Variants in MRC1 observed in about 807,000 individuals in gnomAD.
The protein encoded by MRC1 is mannose receptor C-type 1.
Under a neutral mutation model 102.9 loss-of-function variants are expected in MRC1, and 62 were observed. The ratio of observed to expected loss-of-function variants is 0.60; its 90% CI spans 0.49 to 0.74. The LOEUF (loss-of-function observed/expected upper bound fraction) is 0.74. Among genes scored for constraint, MRC1 ranks in the 30% least tolerant of loss-of-function variants. The pLI is 0.00. For missense variants in MRC1, 1,237 were observed against 862.8 expected, an observed-to-expected ratio of 1.43 and a Z score of -5.43; for synonymous variants, 457 against 298.4, an observed-to-expected ratio of 1.53 and a Z score of -5.48.
chr10:17,833,799 C>T lies in MRC1; in HGVS notation c.762C>T (p.Leu254=). The change falls in exon 4 of 30, where the codon CTC becomes CTT. Residue 254 remains leucine, a synonymous_variant. Coordinates refer to ENST00000569591, the MANE Select transcript of MRC1 (RefSeq NM_002438.4). ...RKSCQQQNAE[L]LSITEIHEQT... ...GCTGCCAACAACAGAACGCTGAGCT[C>T]CTGAGCATCACAGAGATTCATGAGC... is the stretch of plus-strand genomic sequence containing the variant. The T allele has an allele frequency of 1.3e-6, 1 of 781,066 alleles. No homozygotes were observed. Among genetic ancestry groups the T allele is most frequent in the Non-Finnish European group, 2.4e-6 (1 of 418,136 alleles). The allele number at this position is 781,066 out of a possible 1,614,324, so 48.4% of individuals were successfully genotyped here. A position where few individuals can be genotyped will look rare whatever the true frequency, so the allele number is the denominator to read the frequency against.
At chr10:17,823,650 A>G (rs376128080) in intron 2 of MRC1, among the ~76,000 whole-genome samples, 175 bp downstream of exon 2, 19,132 of 152,246 alleles carry the variant, frequency 0.13, 1,602 homozygotes, top group African/African-American at 0.25. Context: ...GATGGTGAAT[A>G]AATGTGATTA....
At chr10:17,894,965 G>A (rs1029774773) in intron 23 of MRC1, among the ~76,000 whole-genome samples, 5,578 of 152,138 alleles carry the variant, frequency 0.037, 156 homozygotes, top group Middle Eastern at 0.058. Flanking sequence ...TTGAGCCCCC[G>A]CATTTGAGAC....
chr10:17,810,537 T>C (rs1838206406), intron 1 of MRC1, among the ~76,000 whole-genome samples: 1 of 152,236 alleles, frequency 6.6e-6, no homozygotes, highest in African/African-American at 2.4e-5. Context: ...GTTTACATCC[T>C]GTCTCTCTCA....
intron 17 of MRC1, among the ~76,000 whole-genome samples, chr10:17,876,528 G>A (rs953419380): frequency 4.8e-4 from 73 of 152,252 alleles, no homozygotes; most frequent in Non-Finnish European, 7.6e-4. Context: ...GATTGCAGAC[G>A]TGAGCCACTG....
At chr10:17,843,198 ACAT>A (rs2130629821) in intron 5 of MRC1, among the ~76,000 whole-genome samples, 1 of 143,884 alleles carries the variant, frequency 7.0e-6, no homozygotes, top group South Asian at 2.3e-4. Flanking sequence ...ACTAATTAGC[ACAT>A]CAATTAATAA....
At chr10:17,875,289 T>G (rs1833414539) in intron 17 of MRC1, 36 bp downstream of exon 17, 9 of 778,042 alleles carry the variant, frequency 1.2e-5, no homozygotes, top group Non-Finnish European at 1.9e-5. Flanking sequence ...ATTTTAATAG[T>G]TTTTGGGGAA....
At chr10:17,860,527 C>T (rs1554841151) in intron 9 of MRC1, among the ~76,000 whole-genome samples, 1 of 152,208 alleles carries the variant, frequency 6.6e-6, no homozygotes, top group Non-Finnish European at 1.5e-5. Flanking sequence ...ATCCTCCCAA[C>T]TTCGACTCCC....
At position 17,823,115 on chromosome 10, in the gene MRC1, T is replaced by G; in HGVS notation, c.103T>G (p.Cys35Gly). ...AATCTATAATGAAGATCACAAGCGC[T>G]GCGTGGATGCAGTGAGTCCCAGTGC... ...FLIYNEDHKRCVDAVSPSAVQ... is the reference protein window; with the variant it reads ...FLIYNEDHKRGVDAVSPSAVQ... Residue 35 changes from cysteine to glycine, a missense_variant, in exon 2 of 30, where the codon TGC becomes GGC. By Grantham distance (159) the Cys-to-Gly change is radical. Coordinates refer to ENST00000569591, the MANE Select transcript of MRC1 (RefSeq NM_002438.4). 1 of 780,922 alleles carries G rather than the reference T, an allele frequency of 1.3e-6. No homozygotes were observed. Among genetic ancestry groups the G allele is most frequent in the Non-Finnish European group, 2.4e-6 (1 of 417,968 alleles). 48.4% of individuals were successfully genotyped at this position (780,922 alleles called of 1,614,324 possible).
intron 1 of MRC1, among the ~76,000 whole-genome samples, chr10:17,813,930 C>T (rs1838266567): frequency 6.6e-6 from 1 of 151,894 alleles, no homozygotes; most frequent in African/African-American, 2.4e-5. Flanking sequence ...AACTCCTAGG[C>T]TCAAGTGATT....
chr10:17,842,437 T>C (rs1838766039), intron 5 of MRC1, among the ~76,000 whole-genome samples: 1 of 152,252 alleles, frequency 6.6e-6, no homozygotes, highest in Non-Finnish European at 1.5e-5. Flanking sequence ...CAACATATGA[T>C]GGTTACAGTG....
chr10:17,870,637 T>C (rs1833341056), intron 13 of MRC1, among the ~76,000 whole-genome samples: 1 of 152,224 alleles, frequency 6.6e-6, no homozygotes, highest in Non-Finnish European at 1.5e-5. Context: ...CATTATTTAC[T>C]CTCAGGCAGT....
intron 29 of MRC1, 94 bp from the exon 30 acceptor site, chr10:17,910,121 T>G: frequency 1.3e-6 from 1 of 768,960 alleles, no homozygotes; most frequent in Middle Eastern, 3.6e-4. Flanking sequence ...AAAGAATATT[T>G]ATGCCTTTTA....
At chr10:17,854,190 G>T (rs904033763) in intron 8 of MRC1, among the ~76,000 whole-genome samples, 2 of 152,208 alleles carry the variant, frequency 1.3e-5, no homozygotes, top group Non-Finnish European at 1.5e-5. Flanking sequence ...AAGCTCAAGC[G>T]ATCTGCCTGC....
chr10:17,899,674 C>T (rs996969259), intron 24 of MRC1, among the ~76,000 whole-genome samples: 67 of 152,160 alleles, frequency 4.4e-4, no homozygotes, highest in Non-Finnish European at 8.2e-4. Flanking sequence ...TATTATATAT[C>T]ATCTATTCTT....
At chr10:17,812,783 G>A (rs918407534) in intron 1 of MRC1, among the ~76,000 whole-genome samples, 4 of 151,998 alleles carry the variant, frequency 2.6e-5, no homozygotes, top group African/African-American at 9.7e-5. Flanking sequence ...ATGTTGGCCA[G>A]GCTGGTCTTG....
intron 28 of MRC1, among the ~76,000 whole-genome samples, chr10:17,908,703 G>T (rs907421030): frequency 4.6e-5 from 7 of 152,272 alleles, no homozygotes; most frequent in African/African-American, 1.7e-4. Flanking sequence ...CAAGTAGCTG[G>T]GATTACAGGC....
At chr10:17,866,970 A>T (rs112357884) in intron 12 of MRC1, among the ~76,000 whole-genome samples, 1 of 152,032 alleles carries the variant, frequency 6.6e-6, no homozygotes, top group African/African-American at 2.4e-5. Flanking sequence ...ACAACCAACA[A>T]CATAAACACA....
At chr10:17,907,733 T>G in intron 28 of MRC1, 35 bp downstream of exon 28, 1 of 779,960 alleles carries the variant, frequency 1.3e-6, no homozygotes, top group Non-Finnish European at 2.4e-6. Context: ...TGCATATCAC[T>G]GGCTGCCATT....
In MRC1 at chr10:17,902,912, G is replaced by A. The variant is rs995142007; in HGVS notation, c.3799+790G>A. ...GATTCATGTACTTTGGGGCCCTGTT[G>A]TTAGGTACATATTCGTCTACACTCA... On this transcript the variant is annotated intron_variant, in intron 26 of 29. Transcript: ENST00000569591. 2.4e-3 allele frequency among the ~76,000 whole-genome samples: 371 copies of A among 152,204 alleles called. 1 individual carries two copies. Among genetic ancestry groups the A allele is most frequent in the Non-Finnish European group, 3.9e-3 (266 of 68,002 alleles).
Sources: gnomAD v4.1 joint callset for allele counts (sites outside exome capture counted in the v4.1 genomes callset) on GRCh38, gnomAD v4.1.1 for gene constraint, MANE v1.5 for transcripts, NCBI Gene and HGNC (gene_info 2026-07-23, HGNC 2026-07-21) for gene names.